ACSL4: variants seen among roughly 807,000 people sequenced by gnomAD.
ACSL4 encodes acyl-CoA synthetase long chain family member 4.
In ACSL4, 9 loss-of-function variants were observed where a neutral mutation model predicts 49.1. The ratio of observed to expected loss-of-function variants is 0.18; its 90% CI spans 0.11 to 0.32. The LOEUF (loss-of-function observed/expected upper bound fraction) is 0.32. ACSL4 is among the 10% of genes least tolerant of loss of function. The probability of loss-of-function intolerance (pLI) is 1.00; values close to 1 mark genes in which losing one functional copy is unlikely to be tolerated. For missense variants in ACSL4, 333 were observed against 493.7 expected, an observed-to-expected ratio of 0.67 and a Z score of 3.08; for synonymous variants, 191 against 170.3, an observed-to-expected ratio of 1.12 and a Z score of -0.95.
At chrX:109,656,548 C>T (rs1921660365) in intron 15 of ACSL4, among the ~76,000 whole-genome samples, 1 of 110,002 alleles carries the variant, frequency 9.1e-6, no homozygotes, top group African/African-American at 3.3e-5. Flanking sequence ...ATGAAAAATT[C>T]AAGAAGGAGC....
chrX:109,680,861 G>A (rs948609403), intron 6 of ACSL4, 137 bp downstream of exon 6: 2 of 624,618 alleles, frequency 3.2e-6, no homozygotes, highest in Non-Finnish European at 5.0e-6. Flanking sequence ...TGGTCTTGAT[G>A]GTTTTTAAAG....
At chrX:109,660,241 C>CA (rs1346399868) in intron 14 of ACSL4, among the ~76,000 whole-genome samples, 1 of 110,914 alleles carries the variant, frequency 9.0e-6, no homozygotes, top group African/African-American at 3.3e-5. Flanking sequence ...AACTCAGTAA[C>CA]AAAAAACCAA....
chrX:109,644,563 C>T (rs1934558943), intron 15 of ACSL4, among the ~76,000 whole-genome samples: 1 of 111,949 alleles, frequency 8.9e-6, no homozygotes, highest in Admixed American at 9.4e-5. Flanking sequence ...CTGAGATGGT[C>T]TTTCTCAATA....
intron 10 of ACSL4, 21 bp from the exon 11 acceptor site, chrX:109,668,294 T>C (rs746938427): frequency 8.6e-7 from 1 of 1,165,325 alleles, no homozygotes; most frequent in South Asian, 1.9e-5. Flanking sequence ...GGAGGATAAA[T>C]GATTTTAATG....
chrX:109,732,613 G>A (rs901384457), intron 1 of ACSL4, among the ~76,000 whole-genome samples: 7 of 111,878 alleles, frequency 6.3e-5, no homozygotes, highest in Admixed American at 5.7e-4. Flanking sequence ...GGAAGATATC[G>A]GAAGCAAGGA....
At chrX:109,654,480 A>G (rs955570841) in intron 15 of ACSL4, among the ~76,000 whole-genome samples, 2 of 112,353 alleles carry the variant, frequency 1.8e-5, no homozygotes, top group African/African-American at 6.5e-5. Flanking sequence ...TGCCTAAAAA[A>G]GAATTTAAAT....
intron 15 of ACSL4, among the ~76,000 whole-genome samples, chrX:109,649,403 C>G (rs890803357): frequency 9.0e-6 from 1 of 111,487 alleles, no homozygotes; most frequent in Non-Finnish European, 1.9e-5. Context: ...TTTGACAAAC[C>G]TAAGAAAAAC....
intron 1 of ACSL4, among the ~76,000 whole-genome samples, chrX:109,712,768 G>A (rs1926841664): frequency 9.0e-6 from 1 of 111,288 alleles, no homozygotes; most frequent in Non-Finnish European, 1.9e-5. Flanking sequence ...TGAGCCCAGG[G>A]GTTTCAGACC....
chrX:109,644,694 G>T (rs1349620286), intron 15 of ACSL4, among the ~76,000 whole-genome samples: 1 of 112,427 alleles, frequency 8.9e-6, no homozygotes, highest in Non-Finnish European at 1.9e-5. Context: ...GGCCAAATAC[G>T]AACAGCTCTG....
chrX:109,661,652 A>G lies in ACSL4; in HGVS notation c.1583-7T>C, dbSNP rs2147391640. ...ACTAGATCTTTCTTACGATCTGTTA[A>G]GTCATAAAGAATGTTAAGTCTGTTT... is the stretch of plus-strand genomic sequence containing the variant. On this transcript the variant is annotated splice_polypyrimidine_tract_variant and splice_region_variant and intron_variant, in intron 13 of 15. Coordinates refer to ENST00000672401, the MANE Select transcript of ACSL4 (RefSeq NM_001318510.2). 1 of 1,123,554 alleles carries G rather than the reference A, an allele frequency of 8.9e-7. No individual in the cohort carries two copies. The highest frequency in any genetic ancestry group is 1.2e-6 in the Non-Finnish European group (1 of 817,075). The allele number at this position is 1,123,554 out of a possible 1,213,427, so 92.6% of individuals were successfully genotyped here. A position where few individuals can be genotyped will look rare whatever the true frequency, so the allele number is the denominator to read the frequency against.
chrX:109,663,485 T>C, intron 12 of ACSL4, 83 bp from the exon 13 acceptor site: 1 of 879,359 alleles, frequency 1.1e-6, no homozygotes, highest in South Asian at 2.1e-5. Context: ...TTAGTATTTT[T>C]CTGCTGATCA....
At chrX:109,645,372 C>T (rs751912045) in intron 15 of ACSL4, among the ~76,000 whole-genome samples, 1 of 112,408 alleles carries the variant, frequency 8.9e-6, no homozygotes, top group Non-Finnish European at 1.9e-5. Context: ...CCCCTGACCC[C>T]CGAGCAGCCT....
At chrX:109,720,346 T>A (rs1460712604) in intron 1 of ACSL4, among the ~76,000 whole-genome samples, 1 of 110,410 alleles carries the variant, frequency 9.1e-6, no homozygotes, top group African/African-American at 3.3e-5. Context: ...GCTACTTTCC[T>A]ACAAACATTT....
chrX:109,732,964 G>A (rs1376119490), intron 1 of ACSL4, 175 bp downstream of exon 1: 3 of 321,996 alleles, frequency 9.3e-6, no homozygotes, highest in African/African-American at 2.7e-5. Context: ...GCGGAGGCGA[G>A]CGGATAGATA....
chrX:109,674,592 ATTATCTG>A (rs1444974964), intron 8 of ACSL4, 119 bp from the exon 9 acceptor site: 3 of 524,790 alleles, frequency 5.7e-6, no homozygotes, highest in Non-Finnish European at 6.6e-6. Context: ...TTGCTCTGTG[ATTATCTG>A]TTAACAACTA....
At chrX:109,685,429 T>G (rs1406533203) in intron 2 of ACSL4, 2 of 111,022 alleles carry the variant, frequency 1.8e-5, no homozygotes, top group Non-Finnish European at 3.8e-5. Context: ...GAGCTTACCT[T>G]CAACTGAGAA....
intron 1 of ACSL4, among the ~76,000 whole-genome samples, chrX:109,728,306 T>C (rs376014591): frequency 1.8e-5 from 2 of 112,403 alleles, no homozygotes; most frequent in African/African-American, 6.5e-5. Flanking sequence ...GCTAAATACA[T>C]GGTCATGAAT....
intron 11 of ACSL4, among the ~76,000 whole-genome samples, chrX:109,666,404 T>G (rs1319601518): frequency 8.9e-6 from 1 of 111,777 alleles, no homozygotes; most frequent in Non-Finnish European, 1.9e-5. Context: ...CTGGTGGGTC[T>G]GGAGAGAAGA....
chrX:109,673,184 T>C lies in ACSL4; in HGVS notation c.1002+1218A>G, dbSNP rs374007751. ...CTCTTCCTATGTTATCTGATAAGGT[T>C]TGCTAGGGAATTCTGAATGTGAAAC... is the stretch of plus-strand genomic sequence containing the variant. On this transcript the variant is annotated intron_variant, in intron 9 of 15. Transcript: ENST00000672401. Among the ~76,000 whole-genome samples, 4 of 111,910 alleles carry C rather than the reference T, an allele frequency of 3.6e-5. No homozygotes were observed. The East Asian group carries it at 1.1e-3, about 31-fold the overall frequency.
Sources: allele counts gnomAD v4.1 joint callset (sites outside exome capture counted in the v4.1 genomes callset), GRCh38; gene constraint gnomAD v4.1.1; transcripts MANE v1.5; gene names NCBI Gene and HGNC (gene_info 2026-07-23, HGNC 2026-07-21).